Variants in ZNF683 observed in about 807,000 individuals in gnomAD.
ZNF683 encodes the protein zinc finger protein 683, also known as tissue-resident T-cell transcription regulator protein ZNF683.
In ZNF683, 20 loss-of-function variants were observed where a neutral mutation model predicts 31.4. That is an observed-to-expected ratio of 0.64 (90% CI 0.45 to 0.93). The LOEUF (loss-of-function observed/expected upper bound fraction) is 0.93, where lower values mean the gene tolerates loss of function less well. ZNF683 is among the 40% of genes least tolerant of loss of function. The pLI is 0.00. For synonymous variants in ZNF683, 264 were observed against 267.6 expected (o/e 0.99, Z 0.13); for missense variants, 621 against 637.2 (o/e 0.97, Z 0.27).
chr1:26,372,447 A>G (rs6703878), intron 1 of ZNF683: 420,473 of 1,295,700 alleles, frequency 0.32, 74,430 homozygotes, highest in East Asian at 0.63. Context: ...CAAATACTTA[A>G]TTCCAACCTC....
chr1:26,367,823 G>A (rs1293228382), intron 2 of ZNF683, 26 bp from the exon 3 acceptor site: 1 of 1,519,420 alleles, frequency 6.6e-7, no homozygotes, highest in Admixed American at 2.1e-5. Context: ...AAGGGGCTTG[G>A]GGGCTGGTGA....
chr1:26,363,241 T>TCTCCCTCCCCGTCATCTCC, intron 4 of ZNF683, 87 bp from the exon 5 acceptor site: 2 of 1,479,064 alleles, frequency 1.4e-6, no homozygotes, highest in Non-Finnish European at 9.1e-7. Flanking sequence ...CCCACTTCTC[T>TCTCCCTCCCCGTCATCTCC]CTCCCTCCCC....
At position 26,361,835 on chromosome 1, in the gene ZNF683, G is replaced by A. The variant is rs1386689223; in HGVS notation, c.1331C>T (p.Ser444Phe). The A allele has an allele frequency of 1.9e-6, 3 of 1,613,934 alleles. No homozygotes were observed. In the African/African-American group the frequency reaches 4.0e-5, roughly 22 times the overall value. ...GTGCCATTGGGCAAGGCAGGCCAGAGAGGCCAGGGGCAGCTGGGTGTGCAC... is the reference window on the plus strand; with the variant it reads ...GTGCCATTGGGCAAGGCAGGCCAGAAAGGCCAGGGGCAGCTGGGTGTGCAC... ...GLVHTQLPLASLACLAQWHQG... is the reference protein window; with the variant it reads ...GLVHTQLPLAFLACLAQWHQG... Residue 444 changes from serine to phenylalanine, a missense_variant, in exon 6 of 6, where the codon TCT becomes TTT. Transcript: ENST00000349618.
At chr1:26,369,620 A>G (rs2074617292) in intron 1 of ZNF683, among the ~76,000 whole-genome samples, 1 of 151,880 alleles carries the variant, frequency 6.6e-6, no homozygotes, top group African/African-American at 2.4e-5. Context: ...GTGAGCCAAG[A>G]TAGCACCACT....
chr1:26,363,909 C>T (rs927264388), intron 4 of ZNF683, among the ~76,000 whole-genome samples: 2 of 152,230 alleles, frequency 1.3e-5, no homozygotes, highest in Non-Finnish European at 2.9e-5. Context: ...GGCTTCTCCC[C>T]ATAACCACAA....
Position 26,367,769 on chromosome 1 carries a change from T to A in ZNF683, c.143A>T (p.Asp48Val), listed in dbSNP as rs10794532. The A allele has an allele frequency of 4.6e-5, 74 of 1,602,934 alleles. No homozygotes were observed. Among genetic ancestry groups the A allele is most frequent in the Middle Eastern group, 3.3e-4 (2 of 5,980 alleles). ...QVFSACRPLP[D>V]MVDAHGPSCA... is the part of the protein sequence containing the mutation. ...GGATGGGCCATGAGCATCCACCATGTCTGGAAGTGGTCTGCAGGCTGAGAA... is the reference window on the plus strand; with the variant it reads ...GGATGGGCCATGAGCATCCACCATGACTGGAAGTGGTCTGCAGGCTGAGAA... The change falls in exon 3 of 6, where the codon GAC becomes GTC. Residue 48 changes from aspartate to valine, a missense_variant. Asp to Val is a radical substitution (Grantham distance 152, BLOSUM62 -3). Transcript: ENST00000349618.
Position 26,363,111 on chromosome 1 carries a change from G to T in ZNF683, c.1058C>A (p.Ala353Asp). ...VHSGERPFQC[A>D]LCQKSFTQLA... ...TTGAGTGAAGCTCTTCTGGCACAAG[G>T]CACACTGGAATGGACGCTCTCCACT... Residue 353 changes from alanine to aspartate, a missense_variant, in exon 5 of 6, where the codon GCC becomes GAC. Physicochemically the swap from Ala to Asp is moderately radical, Grantham distance 126 (BLOSUM62 -2). Coordinates refer to ENST00000349618, the MANE Select transcript of ZNF683 (RefSeq NM_001114759.3). The T allele has an allele frequency of 6.2e-7, 1 of 1,612,650 alleles. No individual in the cohort carries two copies. The highest frequency in any genetic ancestry group is 2.2e-5 in the East Asian group (1 of 44,850).
intron 1 of ZNF683, among the ~76,000 whole-genome samples, chr1:26,368,844 G>A (rs1326597000): frequency 1.3e-5 from 2 of 152,226 alleles, no homozygotes; most frequent in African/African-American, 2.4e-5. Context: ...AGGTGCCGTG[G>A]CTCAAGCCTG....
rs765766057 is a variant in ZNF683, at chr1:26,365,066, C to T, written c.480G>A (p.Pro160=). 5.0e-6 allele frequency: 8 copies of T among 1,605,526 alleles called. No individual in the cohort carries two copies. Among genetic ancestry groups the T allele is most frequent in the Admixed American group, 3.4e-5 (2 of 58,316 alleles). ...GGCTGGGGCTCTTTCTGTTCTGCAG[C>T]GGTGGTGGGGAAGAGCTGTTATGAG... The part of the protein sequence containing the change: ...FSSHNSSSPP[P]LQNRKSPSPL... The change falls in exon 4 of 6, where the codon CCG becomes CCA. Residue 160 remains proline, a synonymous_variant. Coordinates refer to ENST00000349618, the MANE Select transcript of ZNF683 (RefSeq NM_001114759.3).
intron 1 of ZNF683, chr1:26,370,757 A>C: frequency 1.0e-6 from 1 of 983,656 alleles, no homozygotes; most frequent in Non-Finnish European, 1.2e-6. Flanking sequence ...CCCCAGTGGG[A>C]GTGAGAGATG....
At chr1:26,374,427 G>A, upstream of ZNF683, 3 of 1,196,242 alleles carry the variant, frequency 2.5e-6, no homozygotes, top group Non-Finnish European at 3.3e-6. Flanking sequence ...AAAGCTCCCT[G>A]GCTTGGCTAG....
In ZNF683 at chr1:26,367,812, C is replaced by G. The variant is rs575341255; in HGVS notation, c.115-15G>C. The G allele has an allele frequency of 6.4e-7, 1 of 1,550,488 alleles. No individual in the cohort carries two copies. On this transcript the variant is annotated splice_polypyrimidine_tract_variant and intron_variant, in intron 2 of 5. Transcript: ENST00000349618. ...GCTGAGAAGACCTGGAGGGCAGGGG[C>G]AAGGGGCTTGGGGGCTGGTGACTGG...
At chr1:26,366,903 G>A (rs1483094521) in intron 3 of ZNF683, among the ~76,000 whole-genome samples, 11 of 152,142 alleles carry the variant, frequency 7.2e-5, no homozygotes, top group Non-Finnish European at 5.9e-5. Context: ...TGATGTGCCC[G>A]CCTCAGCCTC....
At chr1:26,372,874 G>T (rs1343552611), upstream of ZNF683, 5 of 1,162,722 alleles carry the variant, frequency 4.3e-6, no homozygotes, top group African/African-American at 1.6e-5. Context: ...AGCAAGGAAG[G>T]GCTTGGCAGG....
At chr1:26,364,142 A>C (rs1353331415) in intron 4 of ZNF683, among the ~76,000 whole-genome samples, 3 of 152,256 alleles carry the variant, frequency 2.0e-5, no homozygotes, top group Admixed American at 1.3e-4. Flanking sequence ...GACTGCCCAA[A>C]AAAATAAATA....
chr1:26,367,655 G>C lies in ZNF683; in HGVS notation c.257C>G (p.Thr86Ser). The C allele has an allele frequency of 1.2e-6, 2 of 1,612,608 alleles. No homozygotes were observed. The highest frequency in any genetic ancestry group is 1.9e-4 in the Middle Eastern group (1 of 5,326). ...TGTGCCCAGGGGTGCCGGCTGTGGGGTGCACAGGTTCAGGTCCAGGTCCTG... is the reference window on the plus strand; with the variant it reads ...TGTGCCCAGGGGTGCCGGCTGTGGGCTGCACAGGTTCAGGTCCAGGTCCTG... ...CLQDLDLNLC[T>S]PQPAPLGTDL... The change falls in exon 3 of 6, where the codon ACC (threonine) becomes AGC (serine). Residue 86 changes from threonine to serine, a missense_variant. Transcript: ENST00000349618.
At position 26,361,952 on chromosome 1, in the gene ZNF683, G is replaced by A. The variant is rs755090462; in HGVS notation, c.1214C>T (p.Pro405Leu). 19 of 1,613,906 alleles carry A rather than the reference G, an allele frequency of 1.2e-5. No homozygotes were observed. Among genetic ancestry groups the A allele is most frequent in the Non-Finnish European group, 1.6e-5 (19 of 1,179,900 alleles). ...ACTCCGGCAGACACTGCACTGGAAG[G>A]GCCGGGCCCCGGAGTGCAGGCGCAG... ...THLRLHSGARPFQCSVCRSRF... is the reference protein window; with the variant it reads ...THLRLHSGARLFQCSVCRSRF... The change falls in exon 6 of 6, where the codon CCC (proline) becomes CTC (leucine). Residue 405 changes from proline (P) to leucine (L), a missense_variant. Physicochemically the swap from Pro to Leu is moderately conservative, Grantham distance 98. Transcript: ENST00000349618.
chr1:26,364,188 C>T (rs1281152919), intron 4 of ZNF683, among the ~76,000 whole-genome samples: 1 of 152,220 alleles, frequency 6.6e-6, no homozygotes, highest in African/African-American at 2.4e-5. Flanking sequence ...GGATGGTTGT[C>T]CAGGTAAGGG....
intron 3 of ZNF683, among the ~76,000 whole-genome samples, chr1:26,366,477 T>C (rs1557738392): frequency 1.3e-5 from 2 of 151,420 alleles, no homozygotes; most frequent in Non-Finnish European, 2.9e-5. Flanking sequence ...AGCAAGAGAG[T>C]CCTTGCCTTC....
Sources: allele counts gnomAD v4.1 joint callset (sites outside exome capture counted in the v4.1 genomes callset), GRCh38; gene constraint gnomAD v4.1.1; transcripts MANE v1.5; gene names NCBI Gene and HGNC (gene_info 2026-07-23, HGNC 2026-07-21).